ZNF43: variants seen among roughly 807,000 people sequenced by gnomAD.
ZNF43 encodes the protein zinc finger protein 39-like 1 (KOX 27).
ZNF43 carries 44 observed loss-of-function variants against 68.4 expected under a neutral mutation model. The ratio of observed to expected loss-of-function variants is 0.64; its 90% confidence interval spans 0.51 to 0.83. The LOEUF is 0.83. Ranked by LOEUF, ZNF43 falls within the 40% of genes least tolerant of loss-of-function variation. ZNF43 has a pLI of 0.00. For synonymous variants in ZNF43, 308 were observed against 307.8 expected (o/e 1.00, Z -0.01); for missense variants, 896 against 933.2 (o/e 0.96, Z 0.52).
At chr19:21,851,896 C>A in intron 1 of ZNF43, 1 of 1,577,378 alleles carries the variant, frequency 6.3e-7, no homozygotes, top group Non-Finnish European at 8.6e-7. Context: ...CCTAACCCCG[C>A]ACACTCACCA....
rs150379436 is a variant in ZNF43, at chr19:21,830,000, G to C, written c.3+6036C>G. Among the ~76,000 whole-genome samples, 716 of 152,008 alleles carry C rather than the reference G, an allele frequency of 4.7e-3. 5 individuals are homozygous for C. The highest frequency in any genetic ancestry group is 0.016 in the African/African-American group (684 of 41,482). The stretch of plus-strand genomic sequence containing the variant: ...GGTGCAGTGGCTCACCCCTGTAATC[G>C]CAGCATTTTGGGAGGCCGAGGTGGG... On this transcript the variant is annotated intron_variant, in intron 1 of 3. Coordinates refer to ENST00000354959, the MANE Select transcript of ZNF43 (RefSeq NM_003423.4).
rs10411895 is a variant in ZNF43, at chr19:21,833,643, G to A, written c.3+2393C>T. ...TAGACAGTACTGAAACCCAGGATCA[G>A]AAAAAAAAAACAAAAACAACAAAAT... On this transcript the variant is annotated intron_variant, in intron 1 of 3. Coordinates refer to ENST00000354959, the MANE Select transcript of ZNF43 (RefSeq NM_003423.4). 5.0e-3 allele frequency among the ~76,000 whole-genome samples: 719 copies of A among 144,252 alleles called. 6 individuals carry two copies. Among genetic ancestry groups the A allele is most frequent in the African/African-American group, 0.016 (634 of 39,058 alleles). 94.6% of individuals were successfully genotyped at this position (144,252 alleles called of 152,430 possible). A position where few individuals can be genotyped will look rare whatever the true frequency, so the allele number is the denominator to read the frequency against.
chr19:21,826,360 A>T (rs2038121221), intron 1 of ZNF43, among the ~76,000 whole-genome samples: 1 of 152,202 alleles, frequency 6.6e-6, no homozygotes, highest in African/African-American at 2.4e-5. Flanking sequence ...CTGCAGCCCC[A>T]GAGAAACTCC....
chr19:21,842,164 A>T (rs1312820125), intron 1 of ZNF43, among the ~76,000 whole-genome samples: 2 of 152,046 alleles, frequency 1.3e-5, no homozygotes, highest in Non-Finnish European at 2.9e-5. Context: ...TAATCTCAGC[A>T]CTTTGGGAGG....
At chr19:21,833,069 C>T (rs1170983726) in intron 1 of ZNF43, among the ~76,000 whole-genome samples, 2 of 152,080 alleles carry the variant, frequency 1.3e-5, no homozygotes, top group Non-Finnish European at 2.9e-5. Context: ...CACTTATATA[C>T]CACGTTTTCT....
rs540092719 is a variant in ZNF43, at chr19:21,845,705, C to T, written c.30+6200G>A. On this transcript the variant is annotated intron_variant, in intron 1 of 3. Transcript: ENST00000357491. The stretch of plus-strand genomic sequence containing the variant: ...GGTCGGGAGTTTGTGACCAGCCTGC[C>T]CAACATGGAGAAACCCTGTCTCTAC... Among the ~76,000 whole-genome samples the T allele has an allele frequency of 2.2e-4, 33 of 152,006 alleles. 1 individual carries two copies. The South Asian group carries it at 6.2e-3, about 29-fold the overall frequency.
At chr19:21,834,899 A>G (rs1194553737) in intron 1 of ZNF43, among the ~76,000 whole-genome samples, 1 of 151,528 alleles carries the variant, frequency 6.6e-6, no homozygotes, top group African/African-American at 2.4e-5. Context: ...GATATCTAAA[A>G]TATCTTTATC....
chr19:21,830,611 A>C (rs2038380706), intron 1 of ZNF43, among the ~76,000 whole-genome samples: 1 of 151,738 alleles, frequency 6.6e-6, no homozygotes, highest in Non-Finnish European at 1.5e-5. Flanking sequence ...ATTGAAGTAT[A>C]ATAAATAGCC....
intron 1 of ZNF43, among the ~76,000 whole-genome samples, chr19:21,834,248 G>A (rs1372676350): frequency 4.1e-5 from 6 of 146,584 alleles, no homozygotes; most frequent in Non-Finnish European, 4.4e-5. Flanking sequence ...TGAAGCAAAA[G>A]AATCACTTGA....
In ZNF43 at chr19:21,806,117, C is replaced by G. The variant is rs934564776; in HGVS notation, c.*1490G>C. 6.6e-6 allele frequency: 1 copy of G among 151,802 alleles called. No individual in the cohort carries two copies. Among genetic ancestry groups the G allele is most frequent in the African/African-American group, 2.4e-5 (1 of 41,328 alleles). 9.4% of individuals were successfully genotyped at this position (151,802 alleles called of 1,614,324 possible). A position where few individuals can be genotyped will look rare whatever the true frequency, so the allele number is the denominator to read the frequency against. On this transcript the variant is annotated 3_prime_UTR_variant, in exon 4 of 4. Transcript: ENST00000354959. Reference sequence around the variant, plus strand: ...CTGAAAACCTATCTCCTGCATCACTCCTTTATAAGTTAACCACAAAGAGCC... The same window carrying G: ...CTGAAAACCTATCTCCTGCATCACTGCTTTATAAGTTAACCACAAAGAGCC...
chr19:21,844,732 C>T (rs1399362581), intron 1 of ZNF43, among the ~76,000 whole-genome samples: 2 of 150,436 alleles, frequency 1.3e-5, no homozygotes, highest in African/African-American at 4.9e-5. Flanking sequence ...CCCGTCTCTA[C>T]TAAAAATACA....
intron 1 of ZNF43, among the ~76,000 whole-genome samples, chr19:21,844,921 A>AAAAAAAAAAAAAAAAAAATATAT (rs1310761266): frequency 3.8e-5 from 1 of 26,052 alleles, no homozygotes; most frequent in African/African-American, 2.2e-4. Flanking sequence ...AAAAAAAAAA[A>AAAAAAAAAAAAAAAAAAATATAT]ATATATATAT....
At chr19:21,845,072 C>T (rs1004635703) in intron 1 of ZNF43, among the ~76,000 whole-genome samples, 1 of 151,314 alleles carries the variant, frequency 6.6e-6, no homozygotes, top group Non-Finnish European at 1.5e-5. Flanking sequence ...AGTCACATCA[C>T]CTAGGTGCTT....
chr19:21,821,293 C>T (rs913096985), intron 1 of ZNF43, among the ~76,000 whole-genome samples: 2 of 151,978 alleles, frequency 1.3e-5, no homozygotes, highest in Non-Finnish European at 2.9e-5. Context: ...CTACAGGAGC[C>T]CAGCACTACG....
chr19:21,830,536 C>A (rs183247076), intron 1 of ZNF43, among the ~76,000 whole-genome samples: 1 of 147,296 alleles, frequency 6.8e-6, no homozygotes, highest in Non-Finnish European at 1.5e-5. Context: ...TTCCTAGACA[C>A]GTACATCCTC....
chr19:21,835,576 C>T (rs1245441725), intron 1 of ZNF43, among the ~76,000 whole-genome samples: 2 of 151,814 alleles, frequency 1.3e-5, no homozygotes, highest in Non-Finnish European at 2.9e-5. Flanking sequence ...AGGCTGCTCT[C>T]GAACTCCTCA....
At chr19:21,835,954 A>C (rs778536149) in intron 1 of ZNF43, 82 bp downstream of exon 1, 30 of 1,606,676 alleles carry the variant, frequency 1.9e-5, no homozygotes, top group Middle Eastern at 1.7e-4. Flanking sequence ...CGGCACGCGC[A>C]GATTGTGGAG....
At chr19:21,820,922 C>T (rs1355723439) in intron 1 of ZNF43, among the ~76,000 whole-genome samples, 4 of 150,620 alleles carry the variant, frequency 2.7e-5, no homozygotes, top group Middle Eastern at 6.9e-3. Flanking sequence ...TAACCTCTGC[C>T]TCCCAGGTTC....
intron 1 of ZNF43, among the ~76,000 whole-genome samples, chr19:21,842,104 G>T (rs1461162351): frequency 6.6e-6 from 1 of 151,976 alleles, no homozygotes; most frequent in Non-Finnish European, 1.5e-5. Flanking sequence ...CAAGGTGCTA[G>T]GCCCAGTGAA....
Sources: gnomAD v4.1 joint callset for allele counts (sites outside exome capture counted in the v4.1 genomes callset) on GRCh38, gnomAD v4.1.1 for gene constraint, MANE v1.5 for transcripts, NCBI Gene and HGNC (gene_info 2026-07-23, HGNC 2026-07-21) for gene names.